The following C9 variants were observed in gnomAD, a reference collection of about 807,000 sequenced individuals.
C9 encodes the protein complement C9, also known as complement component C9.
Under a neutral mutation model 65.4 loss-of-function variants are expected in C9, and 63 were observed. The observed-to-expected ratio is 0.96, with a 90% confidence interval of 0.79 to 1.19. The LOEUF (loss-of-function observed/expected upper bound fraction) is 1.19, where lower values mean the gene tolerates loss of function less well. Among genes scored for constraint, C9 ranks in the 50% most tolerant of loss-of-function variants. The pLI is 0.00. For missense variants in C9, 744 were observed against 670.1 expected (o/e 1.11, Z -1.22); for synonymous variants, 229 against 227.9 (o/e 1.00, Z -0.04).
chr5:39,349,047 C>T (rs938701023), intron 1 of C9, among the ~76,000 whole-genome samples: 2 of 151,450 alleles, frequency 1.3e-5, no homozygotes, highest in East Asian at 1.9e-4. Flanking sequence ...GGGGAAGGAA[C>T]GCATTAGGAG....
chr5:39,356,169 A>C (rs563399031), intron 1 of C9, among the ~76,000 whole-genome samples: 13 of 152,354 alleles, frequency 8.5e-5, no homozygotes, highest in Middle Eastern at 6.8e-3. Flanking sequence ...TTTTCTTGGT[A>C]AACTTTGTAA....
intron 1 of C9, among the ~76,000 whole-genome samples, chr5:39,359,102 G>GTGTGTATATATATATA (rs1407613505): frequency 0.014 from 1,415 of 103,530 alleles, 36 homozygotes; most frequent in Middle Eastern, 0.029. Flanking sequence ...GTGTGTGTGT[G>GTGTGTATATATATATA]TATATATATA....
At chr5:39,347,839 A>G (rs1004667969) in intron 1 of C9, among the ~76,000 whole-genome samples, 1 of 152,194 alleles carries the variant, frequency 6.6e-6, no homozygotes, top group Non-Finnish European at 1.5e-5. Flanking sequence ...CCAATGGAAC[A>G]GAATGGAGCC....
chr5:39,359,600 A>C (rs933960537), intron 1 of C9, among the ~76,000 whole-genome samples: 1 of 152,086 alleles, frequency 6.6e-6, no homozygotes, highest in African/African-American at 2.4e-5. Flanking sequence ...ATTGAGATTG[A>C]TTCAGTAAAA....
Position 39,315,851 on chromosome 5 carries a change from T to C in C9, c.794A>G (p.His265Arg), listed in dbSNP as rs1753559921. ...TGAAAACCGAAAACTACCCTTGCCA[T>C]GTAAAGAAATTGAGGAGGCTGTTTC... ...CEETASSISLHGKGSFRFSYS... is the reference protein window; with the variant it reads ...CEETASSISLRGKGSFRFSYS... The change falls in exon 6 of 11, where the codon CAT (histidine) becomes CGT (arginine). Residue 265 changes from histidine to arginine, a missense_variant. By Grantham distance (29) the His-to-Arg change is conservative. Coordinates refer to ENST00000263408, the MANE Select transcript of C9 (RefSeq NM_001737.5). 6.2e-7 allele frequency: 1 copy of C among 1,612,000 alleles called. No homozygotes were observed. The highest frequency in any genetic ancestry group is 8.5e-7 in the Non-Finnish European group (1 of 1,178,166).
chr5:39,337,055 A>C (rs1372115963), intron 4 of C9, among the ~76,000 whole-genome samples: 1 of 152,156 alleles, frequency 6.6e-6, no homozygotes, highest in Non-Finnish European at 1.5e-5. Context: ...TTAAAAAGTA[A>C]GAAGTAAGTG....
intron 4 of C9, among the ~76,000 whole-genome samples, chr5:39,338,269 AC>A (rs1754007108): frequency 1.3e-5 from 2 of 152,168 alleles, no homozygotes; most frequent in African/African-American, 4.8e-5. Context: ...GTTAAGACTT[AC>A]GGATTTTGTA....
intron 1 of C9, among the ~76,000 whole-genome samples, chr5:39,356,676 T>C (rs919678116): frequency 2.0e-5 from 3 of 152,216 alleles, no homozygotes; most frequent in African/African-American, 7.2e-5. Context: ...TAGCAGAGAA[T>C]AACAAGTCAT....
chr5:39,325,493 C>A (rs796650207), intron 5 of C9, among the ~76,000 whole-genome samples: 7 of 152,238 alleles, frequency 4.6e-5, no homozygotes, highest in African/African-American at 1.7e-4. Flanking sequence ...ATGCAATGAT[C>A]GCCAGGCGCG....
At chr5:39,317,309 CTGA>C (rs749127732) in intron 5 of C9, among the ~76,000 whole-genome samples, 16 of 152,196 alleles carry the variant, frequency 1.1e-4, no homozygotes, top group Non-Finnish European at 1.8e-4. Context: ...CCTGTTCACT[CTGA>C]TGTTAGTTTC....
At chr5:39,335,990 T>G (rs923204401) in intron 4 of C9, among the ~76,000 whole-genome samples, 3 of 152,184 alleles carry the variant, frequency 2.0e-5, no homozygotes, top group Non-Finnish European at 2.9e-5. Context: ...CCTGCACATT[T>G]TTAGCGTGAC....
chr5:39,296,899 T>C (rs896468975), intron 9 of C9, among the ~76,000 whole-genome samples: 2 of 149,948 alleles, frequency 1.3e-5, no homozygotes, highest in African/African-American at 4.9e-5. Context: ...ATCTCATAGA[T>C]GTAAAAAGTA....
At position 39,341,310 on chromosome 5, in the gene C9, G is replaced by A. The variant is rs1055623026; in HGVS notation, c.329-17C>T. The A allele has an allele frequency of 6.2e-7, 1 of 1,613,460 alleles. No individual in the cohort carries two copies. On this transcript the variant is annotated splice_polypyrimidine_tract_variant and intron_variant, in intron 3 of 10. Coordinates refer to ENST00000263408, the MANE Select transcript of C9 (RefSeq NM_001737.5). ...TGCATCTGCCTGCAATCAAAATCAG[G>A]AGAGACTCAATGTATCTAATGTCAA...
chr5:39,329,274 G>C (rs1050703223), intron 5 of C9, among the ~76,000 whole-genome samples: 29 of 152,206 alleles, frequency 1.9e-4, no homozygotes, highest in Admixed American at 1.7e-3. Context: ...TATGTACCTA[G>C]CTTTGGCTAA....
intron 1 of C9, among the ~76,000 whole-genome samples, chr5:39,344,714 T>G (rs1009807610): frequency 6.6e-6 from 1 of 152,084 alleles, no homozygotes; most frequent in African/African-American, 2.4e-5. Flanking sequence ...CCAAGACACA[T>G]AATTGTCAGA....
intron 1 of C9, among the ~76,000 whole-genome samples, chr5:39,346,057 A>C (rs891329612): frequency 2.0e-5 from 3 of 152,248 alleles, no homozygotes; most frequent in Admixed American, 6.5e-5. Context: ...AAATGCCCAC[A>C]AGAGAAAGCA....
chr5:39,323,291 AG>A (rs776422293), intron 5 of C9, among the ~76,000 whole-genome samples: 2 of 152,124 alleles, frequency 1.3e-5, no homozygotes, highest in East Asian at 3.9e-4. Context: ...ATTGAAGAAG[AG>A]GGAATATTTC....
In C9 at chr5:39,359,102, G is replaced by GTGTGTGTGTATATATATATATA. The variant is rs1407613505; in HGVS notation, c.77+5285_77+5286insTATATATATATATACACACACA. Among the ~76,000 whole-genome samples, 331 of 103,634 alleles carry GTGTGTGTGTATATATATATATA rather than the reference G, an allele frequency of 3.2e-3. 1 individual carries two copies. The highest frequency in any genetic ancestry group is 4.7e-3 in the Non-Finnish European group (246 of 52,114). 68.0% of individuals were successfully genotyped at this position (103,634 alleles called of 152,430 possible). ...TGTATATATATATGTGTGTGTGTGT[G>GTGTGTGTGTATATATATATATA]TATATATATATATATATATATATGT... On this transcript the variant is annotated intron_variant, in intron 1 of 10. Coordinates refer to ENST00000263408, the MANE Select transcript of C9 (RefSeq NM_001737.5).
intron 6 of C9, among the ~76,000 whole-genome samples, chr5:39,314,457 A>ATAAATTAAATTAAAT (rs564121235): frequency 1.3e-5 from 2 of 152,124 alleles, no homozygotes; most frequent in African/African-American, 2.4e-5. Flanking sequence ...CTCAAAATAA[A>ATAAATTAAATTAAAT]TAAATTAAAT....
Sources: allele counts gnomAD v4.1 joint callset (sites outside exome capture counted in the v4.1 genomes callset), GRCh38; gene constraint gnomAD v4.1.1; transcripts MANE v1.5; gene names NCBI Gene and HGNC (gene_info 2026-07-23, HGNC 2026-07-21).